The following FNIP2 variants were observed in gnomAD, a reference collection of about 807,000 sequenced individuals.
The protein encoded by FNIP2 is folliculin-interacting protein 2.
Under a neutral mutation model 108.7 loss-of-function variants are expected in FNIP2, and 32 were observed. The ratio of observed to expected loss-of-function variants is 0.29; its 90% CI spans 0.22 to 0.40. FNIP2 has a LOEUF of 0.40. Ranked by LOEUF, FNIP2 falls within the 10% of genes least tolerant of loss-of-function variation. The probability of loss-of-function intolerance (pLI) is 1.00; values close to 1 mark genes in which losing one functional copy is unlikely to be tolerated. For missense variants in FNIP2, 1,202 were observed against 1,381.6 expected (o/e 0.87, Z 2.06); for synonymous variants, 480 against 496.7 (o/e 0.97, Z 0.45).
chr4:158,801,612 TAAGAG>T (rs1776765773), intron 1 of FNIP2, among the ~76,000 whole-genome samples: 1 of 152,198 alleles, frequency 6.6e-6, no homozygotes. Context: ...CCTCATCTGT[TAAGAG>T]AAGATATTAC....
At chr4:158,899,305 TTTTC>T (rs1250263630) in intron 16 of FNIP2, among the ~76,000 whole-genome samples, 8 of 152,170 alleles carry the variant, frequency 5.3e-5, no homozygotes, top group Admixed American at 5.2e-4. Flanking sequence ...TGGCCTGACA[TTTTC>T]TTTTTTTGTT....
intron 1 of FNIP2, among the ~76,000 whole-genome samples, chr4:158,802,697 C>A (rs552467989): frequency 1.2e-4 from 19 of 152,264 alleles, no homozygotes; most frequent in South Asian, 6.2e-4. Flanking sequence ...TCTCAGGTGT[C>A]AAATCTTGGA....
chr4:158,882,360 G>A (rs1313221696), intron 14 of FNIP2, among the ~76,000 whole-genome samples: 1 of 150,586 alleles, frequency 6.6e-6, no homozygotes, highest in African/African-American at 2.4e-5. Flanking sequence ...CCGGCCAGCC[G>A]CCCCGTCCGG....
chr4:158,859,805 G>C, intron 10 of FNIP2, 139 bp downstream of exon 10: 1 of 712,572 alleles, frequency 1.4e-6, no homozygotes, highest in South Asian at 1.7e-5. Context: ...GATGGAAACA[G>C]AACAAATGAA....
chr4:158,875,515 G>GATAT lies in FNIP2; in HGVS notation c.2949+5069_2949+5072dup, dbSNP rs56389652. ...AGAGCTTTGCTAAAAGCCTGGCTGT[G>GATAT]ATATATATATATATATATATATATA... On this transcript the variant is annotated intron_variant, in intron 14 of 16. Coordinates refer to ENST00000264433, the MANE Select transcript of FNIP2 (RefSeq NM_020840.3). Among the ~76,000 whole-genome samples the GATAT allele has an allele frequency of 2.0e-3, 226 of 111,878 alleles. 12 individuals carry two copies. Among genetic ancestry groups the GATAT allele is most frequent in the Middle Eastern group, 0.017 (4 of 230 alleles). 73.4% of individuals were successfully genotyped at this position (111,878 alleles called of 152,430 possible).
intron 1 of FNIP2, among the ~76,000 whole-genome samples, chr4:158,789,788 A>G (rs1319378706): frequency 6.7e-6 from 1 of 148,322 alleles, no homozygotes; most frequent in South Asian, 2.2e-4. Flanking sequence ...AGTAAACGCA[A>G]TGAGAGTCCA....
chr4:158,771,770 T>A (rs1349647147), intron 1 of FNIP2, among the ~76,000 whole-genome samples: 1 of 152,224 alleles, frequency 6.6e-6, no homozygotes, highest in Admixed American at 6.5e-5. Flanking sequence ...TTTGTTTGTT[T>A]TAGAGTTTGT....
chr4:158,785,479 T>C lies in FNIP2; in HGVS notation c.107+16160T>C, dbSNP rs147685899. ...TTAATAAATGTGTTTATCCTACCCA[T>C]GATTCGTTCTTTCTTTAATTTTAAA... On this transcript the variant is annotated intron_variant, in intron 1 of 16. Transcript: ENST00000264433. Among the ~76,000 whole-genome samples the C allele has an allele frequency of 3.1e-3, 471 of 152,254 alleles. 1 individual carries two copies. The highest frequency in any genetic ancestry group is 0.01 in the African/African-American group (428 of 41,546).
At chr4:158,775,277 G>A (rs1201606281) in intron 1 of FNIP2, among the ~76,000 whole-genome samples, 2 of 152,160 alleles carry the variant, frequency 1.3e-5, no homozygotes, top group Non-Finnish European at 2.9e-5. Flanking sequence ...CTTGCTTAGT[G>A]TGAATTGTTA....
At chr4:158,873,932 C>T (rs1197894282) in intron 14 of FNIP2, among the ~76,000 whole-genome samples, 1 of 152,214 alleles carries the variant, frequency 6.6e-6, no homozygotes, top group East Asian at 1.9e-4. Flanking sequence ...ATGCCTGTGA[C>T]TCCTGAGTAG....
chr4:158,834,449 A>G (rs1778683194), intron 6 of FNIP2: 1 of 152,170 alleles, frequency 6.6e-6, no homozygotes, highest in African/African-American at 2.4e-5. Context: ...CATTACTAAC[A>G]TTTAAAGTTG....
At chr4:158,871,391 C>T in intron 14 of FNIP2, 2 of 985,360 alleles carry the variant, frequency 2.0e-6, no homozygotes, top group Non-Finnish European at 2.4e-6. Flanking sequence ...TTACCTACCT[C>T]CTTGGCCAAC....
At chr4:158,845,286 A>C (rs538525717) in intron 7 of FNIP2, among the ~76,000 whole-genome samples, 2 of 152,250 alleles carry the variant, frequency 1.3e-5, no homozygotes, top group Non-Finnish European at 2.9e-5. Flanking sequence ...TTTATCCAGT[A>C]CACAGAGTTA....
chr4:158,840,819 A>C (rs920750507), intron 7 of FNIP2, among the ~76,000 whole-genome samples: 5 of 152,232 alleles, frequency 3.3e-5, no homozygotes, highest in African/African-American at 1.2e-4. Flanking sequence ...TTCCTCGTCA[A>C]GGTGTTCACA....
chr4:158,890,442 A>G (rs574627185), intron 14 of FNIP2: 1 of 784,664 alleles, frequency 1.3e-6, no homozygotes, highest in East Asian at 1.3e-4. Flanking sequence ...AAGGAATACA[A>G]AGCTGCACAG....
chr4:158,791,105 C>T (rs913701067), intron 1 of FNIP2, among the ~76,000 whole-genome samples: 8 of 142,588 alleles, frequency 5.6e-5, no homozygotes, highest in East Asian at 3.9e-4. Flanking sequence ...GGAGGAGGGG[C>T]GTAGCAATAA....
intron 7 of FNIP2, among the ~76,000 whole-genome samples, chr4:158,838,069 C>T (rs936155392): frequency 1.3e-5 from 2 of 152,144 alleles, no homozygotes; most frequent in African/African-American, 2.4e-5. Context: ...GTAATTTGTT[C>T]GCTAAGATTT....
chr4:158,814,743 G>C (rs1283560469), intron 1 of FNIP2, among the ~76,000 whole-genome samples: 1 of 152,188 alleles, frequency 6.6e-6, no homozygotes, highest in Non-Finnish European at 1.5e-5. Context: ...CAAGTGTTGA[G>C]AAGAAAGCTC....
chr4:158,852,028 T>C (rs1779728607), intron 8 of FNIP2, among the ~76,000 whole-genome samples: 1 of 152,226 alleles, frequency 6.6e-6, no homozygotes, highest in Non-Finnish European at 1.5e-5. Context: ...ATACTTGAAG[T>C]GGAATTTTTA....
Sources: gnomAD v4.1 joint callset for allele counts (sites outside exome capture counted in the v4.1 genomes callset) on GRCh38, gnomAD v4.1.1 for gene constraint, MANE v1.5 for transcripts, NCBI Gene and HGNC (gene_info 2026-07-23, HGNC 2026-07-21) for gene names.